GFPT1: variants seen among roughly 807,000 people sequenced by gnomAD.
GFPT1 encodes the protein glutamine--fructose-6-phosphate aminotransferase [isomerizing] 1.
GFPT1 carries 40 observed loss-of-function variants against 92.0 expected under a neutral mutation model. The ratio of observed to expected loss-of-function variants is 0.43; its 90% CI spans 0.34 to 0.57. The LOEUF is 0.57. Among genes scored for constraint, GFPT1 ranks in the 20% least tolerant of loss-of-function variants. The probability of loss-of-function intolerance (pLI) is 0.02; values close to 1 mark genes in which losing one functional copy is unlikely to be tolerated. For synonymous variants in GFPT1, 269 were observed against 280.6 expected (o/e 0.96, Z 0.41); for missense variants, 448 against 869.1 (o/e 0.52, Z 6.09).
intron 4 of GFPT1, among the ~76,000 whole-genome samples, chr2:69,361,041 A>G (rs751292943): frequency 1.3e-5 from 2 of 152,038 alleles, no homozygotes; most frequent in Admixed American, 6.6e-5. Flanking sequence ...GGCCCCCAAC[A>G]ATGTTCTTAA....
At chr2:69,344,298 G>C (rs1481203909) in intron 12 of GFPT1, among the ~76,000 whole-genome samples, 1 of 151,078 alleles carries the variant, frequency 6.6e-6, no homozygotes, top group Non-Finnish European at 1.5e-5. Flanking sequence ...GGCCACGGTT[G>C]TTTCCTTAAA....
intron 11 of GFPT1, 138 bp from the exon 12 acceptor site, chr2:69,346,137 A>G (rs1344685214): frequency 1.5e-6 from 1 of 649,422 alleles, no homozygotes; most frequent in Non-Finnish European, 2.7e-6. Context: ...GACTGCCTAA[A>G]AGATTGGGTG....
chr2:69,350,562 T>C (rs1405532352), intron 9 of GFPT1, among the ~76,000 whole-genome samples: 1 of 152,164 alleles, frequency 6.6e-6, no homozygotes, highest in Non-Finnish European at 1.5e-5. Flanking sequence ...TAAAAGTTTG[T>C]GTACCTATAA....
rs2104600845 is a variant in GFPT1, at chr2:69,329,741, G to A, written c.1540C>T (p.Arg514Trp). Residue 514 changes from arginine (R) to tryptophan (W), a missense_variant, in exon 16 of 20, where the codon CGG becomes TGG. This residue lies in a region of GFPT1 where 73 missense variants were observed against 103.5 expected (regional missense o/e 0.71). Transcript: ENST00000357308. The stretch of plus-strand genomic sequence containing the variant: ...TTGCGTCTTTCTTGCATGGAGATCC[G>A]ATCATCACACATCATAAGGGCAAAC... ...VMFALMMCDD[R>W]ISMQERRKEI... 2 of 1,613,340 alleles carry A rather than the reference G, an allele frequency of 1.2e-6. No homozygotes were observed. Among genetic ancestry groups the A allele is most frequent in the Non-Finnish European group, 1.7e-6 (2 of 1,179,340 alleles).
At chr2:69,385,050 G>A (rs1396197202) in intron 1 of GFPT1, among the ~76,000 whole-genome samples, 3 of 152,088 alleles carry the variant, frequency 2.0e-5, no homozygotes, top group African/African-American at 7.2e-5. Context: ...TTAAAAGCAG[G>A]ACCTCAGAAA....
chr2:69,371,095 G>GA (rs1277011289), intron 2 of GFPT1, among the ~76,000 whole-genome samples: 1 of 58,778 alleles, frequency 1.7e-5, no homozygotes, highest in Non-Finnish European at 3.8e-5. Flanking sequence ...TTTTTTTTTT[G>GA]AGACAGGTTC....
At chr2:69,363,979 G>C (rs967591384) in intron 3 of GFPT1, among the ~76,000 whole-genome samples, 1 of 152,122 alleles carries the variant, frequency 6.6e-6, no homozygotes, top group African/African-American at 2.4e-5. Context: ...GCCAGGCATG[G>C]TGGCACGCGC....
At chr2:69,363,296 G>A (rs1221837612) in intron 4 of GFPT1, among the ~76,000 whole-genome samples, 2 of 151,968 alleles carry the variant, frequency 1.3e-5, no homozygotes, top group African/African-American at 2.4e-5. Flanking sequence ...TAGAGACAGG[G>A]TCTCACTATG....
At chr2:69,373,325 T>C (rs1027639318) in intron 2 of GFPT1, among the ~76,000 whole-genome samples, 2 of 152,156 alleles carry the variant, frequency 1.3e-5, no homozygotes, top group African/African-American at 4.8e-5. Context: ...GTAATTTATT[T>C]AAGATAGATG....
Position 69,330,412 on chromosome 2 carries a change from C to T in GFPT1, c.1483-614G>A, listed in dbSNP as rs1670631577. 3.3e-5 allele frequency among the ~76,000 whole-genome samples: 5 copies of T among 152,022 alleles called. No homozygotes were observed. The South Asian group carries it at 1.0e-3, about 31-fold the overall frequency. ...AAAAGATGAGCAAATCAGCATGTGCCTAACCACATTTAGTTTTTGGTGTAA... is the reference window on the plus strand; with the variant it reads ...AAAAGATGAGCAAATCAGCATGTGCTTAACCACATTTAGTTTTTGGTGTAA... On this transcript the variant is annotated intron_variant, in intron 15 of 19. Transcript: ENST00000357308.
chr2:69,329,527 T>A, intron 16 of GFPT1, 103 bp from the exon 17 acceptor site: 1 of 976,766 alleles, frequency 1.0e-6, no homozygotes, highest in Non-Finnish European at 1.6e-6. Flanking sequence ...TCCTCTGTGC[T>A]ATCAATCAGT....
intron 7 of GFPT1, among the ~76,000 whole-genome samples, chr2:69,356,120 A>C (rs1252851500): frequency 2.0e-5 from 3 of 150,676 alleles, no homozygotes; most frequent in Non-Finnish European, 4.4e-5. Flanking sequence ...CAGCCTCCCG[A>C]GTAGCTGGGA....
chr2:69,329,847 G>C (rs747326850), intron 15 of GFPT1, 49 bp from the exon 16 acceptor site: 1 of 935,906 alleles, frequency 1.1e-6, no homozygotes, highest in Admixed American at 1.7e-5. Flanking sequence ...TGCATCTGAA[G>C]AATTTAGAAC....
At chr2:69,331,427 T>C (rs1360026913) in intron 15 of GFPT1, among the ~76,000 whole-genome samples, 5 of 152,204 alleles carry the variant, frequency 3.3e-5, no homozygotes, top group South Asian at 2.1e-4. Context: ...AGATTCTACT[T>C]TGAAGTCTGA....
In GFPT1 at chr2:69,324,762, T is replaced by A. The variant is rs1241405786; in HGVS notation, c.*1427A>T. 6.6e-6 allele frequency: 1 copy of A among 152,118 alleles called. No homozygotes were observed. Among genetic ancestry groups the A allele is most frequent in the Non-Finnish European group, 1.5e-5 (1 of 68,004 alleles). 9.4% of individuals were successfully genotyped at this position (152,118 alleles called of 1,614,324 possible). A position where few individuals can be genotyped will look rare whatever the true frequency, so the allele number is the denominator to read the frequency against. ...CTTCACAATTTAAAAGTAAAAACCT[T>A]TGAAAAAGAAGGACTTCACCAAAAA... On this transcript the variant is annotated 3_prime_UTR_variant, in exon 20 of 20. Transcript: ENST00000357308.
At chr2:69,361,156 T>A (rs991761566) in intron 4 of GFPT1, among the ~76,000 whole-genome samples, 5 of 151,894 alleles carry the variant, frequency 3.3e-5, no homozygotes, top group African/African-American at 9.7e-5. Flanking sequence ...AATAAATTTA[T>A]AAAAAAACTT....
In GFPT1 at chr2:69,370,084, T is replaced by A. The variant is rs1179650459; in HGVS notation, c.140A>T (p.Asp47Val). The A allele has an allele frequency of 1.2e-6, 2 of 1,609,946 alleles. No homozygotes were observed. Among genetic ancestry groups the A allele is most frequent in the Admixed American group, 1.7e-5 (1 of 60,016 alleles). ...SAGVGFDGGN[D>V]KDWEANACKI... ...GCAGGCATTGGCTTCCCAATCTTTA[T>A]CATTGCCTCCATCAAATCCCACACC... Residue 47 changes from aspartate (D) to valine (V), a missense_variant, in exon 3 of 20, where the codon GAT (aspartate) becomes GTT (valine). Asp to Val is a radical substitution (Grantham distance 152, BLOSUM62 -3). This residue lies in a region of GFPT1 where 72 missense variants were observed against 95.1 expected (regional missense o/e 0.76). Transcript: ENST00000357308.
At chr2:69,372,441 A>G (rs957934942) in intron 2 of GFPT1, among the ~76,000 whole-genome samples, 2 of 152,022 alleles carry the variant, frequency 1.3e-5, no homozygotes, top group Non-Finnish European at 2.9e-5. Context: ...GTGGTGGTGC[A>G]TGCCTGTTAT....
chr2:69,360,258 G>A (rs899273027), intron 4 of GFPT1, among the ~76,000 whole-genome samples: 1 of 150,000 alleles, frequency 6.7e-6, no homozygotes, highest in African/African-American at 2.5e-5. Flanking sequence ...GAATCTGGGA[G>A]GCAGAGGTTG....
Sources: allele counts gnomAD v4.1 joint callset (sites outside exome capture counted in the v4.1 genomes callset), GRCh38; gene constraint gnomAD v4.1.1; regional missense constraint gnomAD v4.1.1; transcripts MANE v1.5; gene names NCBI Gene and HGNC (gene_info 2026-07-23, HGNC 2026-07-21).